Variants in DERL1 observed in about 807,000 individuals in gnomAD.
The protein encoded by DERL1 is derlin 1.
Under a neutral mutation model 41.6 loss-of-function variants are expected in DERL1, and 24 were observed. The ratio of observed to expected loss-of-function variants is 0.58; its 90% CI spans 0.42 to 0.81. The LOEUF is 0.81. DERL1 is among the 30% of genes least tolerant of loss of function. The pLI is 0.00. For synonymous variants in DERL1, 124 were observed against 112.5 expected (o/e 1.10, Z -0.65); for missense variants, 260 against 314.3 (o/e 0.83, Z 1.31).
intron 1 of DERL1, among the ~76,000 whole-genome samples, chr8:123,036,919 C>T (rs1416731767): frequency 6.6e-6 from 1 of 152,112 alleles, no homozygotes; most frequent in Non-Finnish European, 1.5e-5. Context: ...AAGCACAAGG[C>T]TGAGTCACAG....
At chr8:123,032,863 CTT>C (rs200724608) in intron 1 of DERL1, among the ~76,000 whole-genome samples, 4,950 of 122,044 alleles carry the variant, frequency 0.041, 195 homozygotes, top group African/African-American at 0.15. Flanking sequence ...TTTCTATTTT[CTT>C]TTTTTTTTTT....
At chr8:123,030,578 T>G (rs1193429490) in intron 2 of DERL1, 27 bp downstream of exon 2, 3 of 1,472,456 alleles carry the variant, frequency 2.0e-6, no homozygotes, top group Admixed American at 2.0e-5. Flanking sequence ...AAAGAAACAA[T>G]GCTTAAAACA....
At chr8:123,040,419 T>C (rs1311262860) in intron 1 of DERL1, among the ~76,000 whole-genome samples, 1 of 152,144 alleles carries the variant, frequency 6.6e-6, no homozygotes, top group Admixed American at 6.5e-5. Context: ...GCAAAGGCCC[T>C]GAGGAGAGAT....
chr8:123,025,160 T>C, intron 2 of DERL1, 110 bp from the exon 3 acceptor site: 1 of 1,118,804 alleles, frequency 8.9e-7, no homozygotes, highest in South Asian at 1.6e-5. Flanking sequence ...TGAGAACATT[T>C]TAAAAACCAC....
chr8:123,038,453 C>G (rs1051149886), intron 1 of DERL1, among the ~76,000 whole-genome samples: 1 of 152,136 alleles, frequency 6.6e-6, no homozygotes, highest in Non-Finnish European at 1.5e-5. Context: ...CACACCTGGG[C>G]AGTACACTGT....
intron 1 of DERL1, among the ~76,000 whole-genome samples, chr8:123,031,458 T>G (rs961149666): frequency 6.6e-6 from 1 of 152,074 alleles, no homozygotes; most frequent in African/African-American, 2.4e-5. Flanking sequence ...GGCAGGAGAA[T>G]CGCTTGAACC....
At chr8:123,024,091 A>G (rs1812628251) in intron 3 of DERL1, among the ~76,000 whole-genome samples, 1 of 152,234 alleles carries the variant, frequency 6.6e-6, no homozygotes, top group Non-Finnish European at 1.5e-5. Context: ...TGCATATTCC[A>G]TTAGACGATA....
chr8:123,040,223 A>G (rs1375346826), intron 1 of DERL1, among the ~76,000 whole-genome samples: 4 of 152,204 alleles, frequency 2.6e-5, no homozygotes, highest in Non-Finnish European at 4.4e-5. Flanking sequence ...GTCTCCAAAA[A>G]AAAGAAAGAA....
At chr8:123,022,812 T>G in intron 4 of DERL1, 33 bp from the exon 5 acceptor site, 1 of 1,591,576 alleles carries the variant, frequency 6.3e-7, no homozygotes, top group Non-Finnish European at 8.6e-7. Context: ...AAAACCAGGC[T>G]CCAGAGGCAC....
chr8:123,030,522 T>C (rs1812798937), intron 2 of DERL1, 83 bp downstream of exon 2: 6 of 979,054 alleles, frequency 6.1e-6, no homozygotes, highest in Non-Finnish European at 9.3e-6. Flanking sequence ...TAATGCTAAC[T>C]GCCCTCCAAA....
At chr8:123,036,385 C>T (rs966216991) in intron 1 of DERL1, among the ~76,000 whole-genome samples, 1 of 152,108 alleles carries the variant, frequency 6.6e-6, no homozygotes, top group Non-Finnish European at 1.5e-5. Context: ...CATAATTCCA[C>T]CTATAAAAAG....
Position 123,042,231 on chromosome 8 carries a change from G to A in DERL1, c.-109C>T. On this transcript the variant is annotated 5_prime_UTR_variant, in exon 1 of 8. Coordinates refer to ENST00000259512, the MANE Select transcript of DERL1 (RefSeq NM_024295.6). ...GTTAGGTGTCTAGGTGGAAGCCGCCGAAGCCGCGATGCAGAAGGCGGAGAC... is the reference window on the plus strand; with the variant it reads ...GTTAGGTGTCTAGGTGGAAGCCGCCAAAGCCGCGATGCAGAAGGCGGAGAC... The A allele has an allele frequency of 3.7e-6, 5 of 1,362,136 alleles. No homozygotes were observed. In the Admixed American group the frequency reaches 9.5e-5, roughly 26 times the overall value. The allele number at this position is 1,362,136 out of a possible 1,614,324, so 84.4% of individuals were successfully genotyped here.
intron 1 of DERL1, among the ~76,000 whole-genome samples, chr8:123,034,598 C>T (rs964691131): frequency 2.6e-5 from 4 of 152,164 alleles, no homozygotes; most frequent in African/African-American, 7.2e-5. Flanking sequence ...AGAATTTTAT[C>T]CCAGACAGTC....
At chr8:123,026,409 C>T (rs187862551) in intron 2 of DERL1, among the ~76,000 whole-genome samples, 190 of 152,332 alleles carry the variant, frequency 1.2e-3, no homozygotes, top group African/African-American at 4.5e-3. Flanking sequence ...ATCTGACATG[C>T]TTGCAACTGA....
chr8:123,035,925 A>C (rs1244776076), intron 1 of DERL1, among the ~76,000 whole-genome samples: 1 of 152,134 alleles, frequency 6.6e-6, no homozygotes, highest in Non-Finnish European at 1.5e-5. Flanking sequence ...TTCGGACTTA[A>C]GTATATATCA....
In DERL1 at chr8:123,027,477, G is replaced by C. The variant is rs114767005; in HGVS notation, c.266-2427C>G. 5.3e-3 allele frequency among the ~76,000 whole-genome samples: 809 copies of C among 152,124 alleles called. 6 individuals carry two copies. Among genetic ancestry groups the C allele is most frequent in the African/African-American group, 0.019 (768 of 41,496 alleles). ...TCAATATACTAAAAACCAATGAATT[G>C]TGTATACTTTAAATGGGTACGTTGT... On this transcript the variant is annotated intron_variant, in intron 2 of 7. Transcript: ENST00000259512.
chr8:123,029,862 C>A (rs1812783573), intron 2 of DERL1, among the ~76,000 whole-genome samples: 1 of 152,074 alleles, frequency 6.6e-6, no homozygotes, highest in African/African-American at 2.4e-5. Context: ...GAGTTTGAGA[C>A]CAGCCTGGCC....
intron 1 of DERL1, among the ~76,000 whole-genome samples, chr8:123,040,585 G>A (rs1813031976): frequency 6.6e-6 from 1 of 152,186 alleles, no homozygotes; most frequent in African/African-American, 2.4e-5. Context: ...GTAGGATTCT[G>A]GACAGAGGAA....
chr8:123,037,543 GACCATGATTCAACT>G (rs1467206005), intron 1 of DERL1, among the ~76,000 whole-genome samples: 3 of 152,202 alleles, frequency 2.0e-5, no homozygotes, highest in African/African-American at 7.2e-5. Flanking sequence ...CAGGCCTTGA[GACCATGATTCAACT>G]ACTTGAAATC....
Sources: gnomAD v4.1 joint callset for allele counts (sites outside exome capture counted in the v4.1 genomes callset) on GRCh38, gnomAD v4.1.1 for gene constraint, MANE v1.5 for transcripts, NCBI Gene and HGNC (gene_info 2026-07-23, HGNC 2026-07-21) for gene names.